ARFGEF1: variants seen among roughly 807,000 people sequenced by gnomAD.
The protein encoded by ARFGEF1 is brefeldin A-inhibited guanine nucleotide-exchange protein 1.
Under a neutral mutation model 231.0 loss-of-function variants are expected in ARFGEF1, and 42 were observed. The observed-to-expected ratio is 0.18, with a 90% CI of 0.14 to 0.24. The LOEUF is 0.24. Among genes scored for constraint, ARFGEF1 ranks in the 10% least tolerant of loss-of-function variants. The pLI, the probability that ARFGEF1 is intolerant of heterozygous loss-of-function variation, is 1.00. For synonymous variants in ARFGEF1, 710 were observed against 732.3 expected (o/e 0.97, Z 0.49); for missense variants, 1,345 against 2,192.0 (o/e 0.61, Z 7.72).
At chr8:67,216,062 T>C (rs1463752481) in intron 33 of ARFGEF1, among the ~76,000 whole-genome samples, 2 of 152,218 alleles carry the variant, frequency 1.3e-5, no homozygotes, top group Non-Finnish European at 2.9e-5. Context: ...ACTCCCTTCA[T>C]GGCACTTAAC....
At chr8:67,229,095 T>C (rs954593226) in intron 23 of ARFGEF1, among the ~76,000 whole-genome samples, 2 of 152,022 alleles carry the variant, frequency 1.3e-5, no homozygotes, top group African/African-American at 4.8e-5. Context: ...ACAAGATGGG[T>C]TCTTTTCTAG....
intron 18 of ARFGEF1, among the ~76,000 whole-genome samples, chr8:67,252,573 G>C (rs1840330870): frequency 6.6e-6 from 1 of 152,072 alleles, no homozygotes; most frequent in Non-Finnish European, 1.5e-5. Context: ...TGAGATTTTA[G>C]TTCCAAGTGG....
intron 31 of ARFGEF1, 41 bp downstream of exon 31, chr8:67,217,962 C>G (rs1485174938): frequency 6.2e-7 from 1 of 1,611,712 alleles, no homozygotes; most frequent in South Asian, 1.1e-5. Flanking sequence ...TTACCAGGGT[C>G]ACATTTAACA....
At chr8:67,231,191 A>T (rs1839542003) in intron 23 of ARFGEF1, among the ~76,000 whole-genome samples, 1 of 152,132 alleles carries the variant, frequency 6.6e-6, no homozygotes, top group African/African-American at 2.4e-5. Context: ...ATATGAAAAT[A>T]AACTCAGATA....
chr8:67,189,365 G>A (rs1021236296), intron 5 of ARFGEF1, among the ~76,000 whole-genome samples: 1 of 152,184 alleles, frequency 6.6e-6, no homozygotes, highest in Non-Finnish European at 1.5e-5. Flanking sequence ...AAGCAGCCAA[G>A]ATGTCTTTCA....
chr8:67,328,264 TAC>T (rs1469711287), intron 1 of ARFGEF1, among the ~76,000 whole-genome samples: 1 of 152,216 alleles, frequency 6.6e-6, no homozygotes, highest in African/African-American at 2.4e-5. Context: ...ACTAATTCTT[TAC>T]AGTCTTAACA....
Position 67,292,102 on chromosome 8 carries a change from C to T in ARFGEF1, c.661G>A (p.Glu221Lys). The change falls in exon 6 of 39, where the codon GAA becomes AAA. Residue 221 changes from glutamate to lysine, a missense_variant. By Grantham distance (56) the Glu-to-Lys change is moderately conservative. This residue lies in a region of ARFGEF1 where 398 missense variants were observed against 463.2 expected (regional missense o/e 0.86). Coordinates refer to ENST00000262215, the MANE Select transcript of ARFGEF1 (RefSeq NM_006421.5). ...NQALQEAKQMEKERHRQHHHL... is the reference protein window; with the variant it reads ...NQALQEAKQMKKERHRQHHHL... Reference sequence around the variant, plus strand: ...TGATGCTGCCGATGCCTTTCTTTTTCCATTTGTTTTGCTTCCTGTAACTGG... The same window carrying T: ...TGATGCTGCCGATGCCTTTCTTTTTTCATTTGTTTTGCTTCCTGTAACTGG... 1 of 1,612,306 alleles carries T rather than the reference C, an allele frequency of 6.2e-7. No individual in the cohort carries two copies. The highest frequency in any genetic ancestry group is 8.5e-7 in the Non-Finnish European group (1 of 1,179,336).
chr8:67,198,695 A>G lies in ARFGEF1; in HGVS notation c.*239T>C. 1 of 1,236,248 alleles carries G rather than the reference A, an allele frequency of 8.1e-7. No homozygotes were observed. The highest frequency in any genetic ancestry group is 1.0e-6 in the Non-Finnish European group (1 of 987,380). 76.6% of individuals were successfully genotyped at this position (1,236,248 alleles called of 1,614,324 possible). ...GGAAGACAGGGAAGGACCCGTGAGC[A>G]TGAGCTGACACTGTTTAAACAGGCT... On this transcript the variant is annotated 3_prime_UTR_variant, in exon 39 of 39. Transcript: ENST00000262215.
intron 33 of ARFGEF1, among the ~76,000 whole-genome samples, chr8:67,212,677 C>T (rs1010332893): frequency 2.0e-5 from 3 of 152,140 alleles, no homozygotes; most frequent in Non-Finnish European, 4.4e-5. Flanking sequence ...GCCTGAGCAA[C>T]CTTACCTGCT....
intron 37 of ARFGEF1, 94 bp from the exon 38 acceptor site, chr8:67,200,607 T>C (rs934006969): frequency 1.3e-6 from 1 of 753,536 alleles, no homozygotes; most frequent in African/African-American, 1.7e-5. Context: ...GTAGTGAATA[T>C]GAACTATTCA....
Position 67,240,220 on chromosome 8 carries a change from G to A in ARFGEF1, c.2921C>T (p.Ser974Phe), listed in dbSNP as rs765125851. The A allele has an allele frequency of 1.2e-6, 2 of 1,613,122 alleles. No individual in the cohort carries two copies. The highest frequency in any genetic ancestry group is 1.7e-6 in the Non-Finnish European group (2 of 1,179,728). ...ACATCTTATACCTTCCAGGCAAAGA[G>A]AGGCTACTTCAGTATCATCACAATC... Reference protein sequence around the residue: ...LQDCDDTEVASLCLEGIRCAI... With the variant: ...LQDCDDTEVAFLCLEGIRCAI... The change falls in exon 20 of 39, where the codon TCT (serine) becomes TTT (phenylalanine). Residue 974 changes from serine to phenylalanine, a missense_variant. This residue lies in a region of ARFGEF1 where 146 missense variants were observed against 321.4 expected (regional missense o/e 0.45). Transcript: ENST00000262215.
intron 3 of ARFGEF1, among the ~76,000 whole-genome samples, chr8:67,300,139 AT>A (rs769992196): frequency 3.9e-5 from 6 of 152,174 alleles, no homozygotes; most frequent in Admixed American, 2.0e-4. Flanking sequence ...TAAATCATAG[AT>A]TTGTTCATTC....
intron 5 of ARFGEF1, among the ~76,000 whole-genome samples, chr8:67,192,046 T>A (rs1836406023): frequency 6.6e-6 from 1 of 151,886 alleles, no homozygotes; most frequent in African/African-American, 2.4e-5. Context: ...GATATGTCTA[T>A]TCAAATCCTT....
At chr8:67,264,513 G>T (rs1563873600) in intron 14 of ARFGEF1, among the ~76,000 whole-genome samples, 1 of 152,182 alleles carries the variant, frequency 6.6e-6, no homozygotes, top group African/African-American at 2.4e-5. Flanking sequence ...AGAACTAAGG[G>T]GCTGATGTTG....
chr8:67,306,768 T>C lies in ARFGEF1; in HGVS notation c.125-4302A>G, dbSNP rs562467843. Among the ~76,000 whole-genome samples, 11 of 147,748 alleles carry C rather than the reference T, an allele frequency of 7.4e-5. No homozygotes were observed. The South Asian group carries it at 2.1e-3, about 28-fold the overall frequency. ...GCTCTCGAAAGCAAATGGATAGTTT[T>C]GTTTGTTTGTTTTGCTTTCCTTTTT... On this transcript the variant is annotated intron_variant, in intron 1 of 38. Coordinates refer to ENST00000262215, the MANE Select transcript of ARFGEF1 (RefSeq NM_006421.5).
At chr8:67,289,969 T>G (rs1805937942) in intron 6 of ARFGEF1, among the ~76,000 whole-genome samples, 1 of 152,182 alleles carries the variant, frequency 6.6e-6, no homozygotes, top group Non-Finnish European at 1.5e-5. Context: ...CATAAGTATC[T>G]GAAAGAAACA....
intron 18 of ARFGEF1, 72 bp downstream of exon 18, chr8:67,253,379 T>C (rs754837375): frequency 8.8e-7 from 1 of 1,131,634 alleles, no homozygotes; most frequent in Non-Finnish European, 1.2e-6. Flanking sequence ...CACCTGACCA[T>C]AAGTGAAAAA....
Position 67,330,802 on chromosome 8 carries a change from T to C in ARFGEF1, c.124+12362A>G, listed in dbSNP as rs1171716187. 5.3e-5 allele frequency among the ~76,000 whole-genome samples: 8 copies of C among 152,182 alleles called. No homozygotes were observed. In the South Asian group the frequency reaches 1.4e-3, roughly 28 times the overall value. ...TGCTTGTCACTGCATTAAACATTGT[T>C]GCTTTCTGATACTGCATTAAACAAA... On this transcript the variant is annotated intron_variant, in intron 1 of 38. Transcript: ENST00000262215.
chr8:67,326,352 G>A (rs915577511), intron 1 of ARFGEF1, among the ~76,000 whole-genome samples: 3 of 152,170 alleles, frequency 2.0e-5, no homozygotes, highest in Non-Finnish European at 2.9e-5. Context: ...GATGTAAACC[G>A]AAGTATCTGC....
Sources: gnomAD v4.1 joint callset for allele counts (sites outside exome capture counted in the v4.1 genomes callset) on GRCh38, gnomAD v4.1.1 for gene constraint, gnomAD v4.1.1 regional missense constraint, MANE v1.5 for transcripts, NCBI Gene and HGNC (gene_info 2026-07-23, HGNC 2026-07-21) for gene names.